The following KIAA0825 variants were observed in gnomAD, a reference collection of about 807,000 sequenced individuals.
KIAA0825 encodes uncharacterized protein KIAA0825.
Under a neutral mutation model 147.6 loss-of-function variants are expected in KIAA0825, and 119 were observed. The ratio of observed to expected loss-of-function variants is 0.81; its 90% CI spans 0.69 to 0.94. The LOEUF is 0.94. KIAA0825 is among the 40% of genes least tolerant of loss of function. KIAA0825 has a pLI of 0.00. For synonymous variants in KIAA0825, 470 were observed against 518.1 expected (o/e 0.91, Z 1.26); for missense variants, 1,381 against 1,472.7 (o/e 0.94, Z 1.02).
chr5:94,516,460 A>T (rs1767250092), intron 5 of KIAA0825, among the ~76,000 whole-genome samples: 1 of 152,238 alleles, frequency 6.6e-6, no homozygotes, highest in South Asian at 2.1e-4. Context: ...TAAAAAAGAA[A>T]AGCAAAACAC....
intron 20 of KIAA0825, among the ~76,000 whole-genome samples, chr5:94,379,845 T>C (rs1318638173): frequency 1.6e-5 from 1 of 61,774 alleles, no homozygotes; most frequent in Non-Finnish European, 3.2e-5. Flanking sequence ...TATTTTATTC[T>C]TTTTTTTTTT....
At chr5:94,572,571 A>G (rs1780179228) in intron 2 of KIAA0825, among the ~76,000 whole-genome samples, 1 of 152,140 alleles carries the variant, frequency 6.6e-6, no homozygotes, top group Non-Finnish European at 1.5e-5. Flanking sequence ...AAAACGAAAA[A>G]TCTGCAATTC....
chr5:94,602,354 G>GA (rs112705666), intron 1 of KIAA0825, among the ~76,000 whole-genome samples: 11,403 of 136,826 alleles, frequency 0.083, 467 homozygotes, highest in South Asian at 0.12. Flanking sequence ...CTGTCTCAAA[G>GA]AAAAAAAAAA....
At chr5:94,240,797 A>G (rs2150103771) in intron 20 of KIAA0825, among the ~76,000 whole-genome samples, 1 of 152,278 alleles carries the variant, frequency 6.6e-6, no homozygotes, top group Admixed American at 6.5e-5. Flanking sequence ...CACTTAGCTC[A>G]CCGTAAGTAA....
intron 16 of KIAA0825, among the ~76,000 whole-genome samples, chr5:94,398,157 T>C (rs29926): frequency 0.12 from 18,207 of 152,174 alleles, 1,223 homozygotes; most frequent in East Asian, 0.26. Flanking sequence ...CTTCAAGCCC[T>C]TCTTCACAAA....
At chr5:94,410,332 G>A (rs76480380) in intron 15 of KIAA0825, among the ~76,000 whole-genome samples, 7,787 of 152,058 alleles carry the variant, frequency 0.051, 212 homozygotes, top group East Asian at 0.11. Context: ...ACTGACCTAC[G>A]GGACAATGCC....
intron 20 of KIAA0825, among the ~76,000 whole-genome samples, chr5:94,247,044 A>G (rs746704765): frequency 2.1e-4 from 32 of 152,174 alleles, no homozygotes; most frequent in Non-Finnish European, 3.7e-4. Context: ...GAGAATAAAT[A>G]AGAAAGTTCA....
intron 20 of KIAA0825, among the ~76,000 whole-genome samples, chr5:94,193,442 G>A (rs1053416975): frequency 6.6e-6 from 1 of 152,200 alleles, no homozygotes. Context: ...ACTGAGGCCA[G>A]AGGGGTGAAG....
At chr5:94,162,017 T>C (rs547586966) in intron 20 of KIAA0825, among the ~76,000 whole-genome samples, 7 of 152,290 alleles carry the variant, frequency 4.6e-5, no homozygotes, top group African/African-American at 1.7e-4. Flanking sequence ...TTAGTAAGCA[T>C]TGGAAAGTGT....
At chr5:94,251,472 G>A (rs1356244735) in intron 20 of KIAA0825, among the ~76,000 whole-genome samples, 1 of 152,056 alleles carries the variant, frequency 6.6e-6, no homozygotes, top group Non-Finnish European at 1.5e-5. Flanking sequence ...GTATGCAAAA[G>A]ACTGCTTGTA....
chr5:94,344,078 C>A (rs895608772), intron 20 of KIAA0825, among the ~76,000 whole-genome samples: 1 of 152,106 alleles, frequency 6.6e-6, no homozygotes, highest in African/African-American at 2.4e-5. Context: ...ATATGCCTAC[C>A]CTGTGATCCA....
Position 94,520,327 on chromosome 5 carries a change from C to T in KIAA0825, c.891G>A (p.Leu297=). 2 of 1,613,536 alleles carry T rather than the reference C, an allele frequency of 1.2e-6. No individual in the cohort carries two copies. The highest frequency in any genetic ancestry group is 1.7e-6 in the Non-Finnish European group (2 of 1,179,560). The change falls in exon 5 of 21, where the codon CTG becomes CTA. Residue 297 remains leucine, a synonymous_variant. Transcript: ENST00000682413. ...MAKFLENFCE[L]QFRENAVRVV... The stretch of plus-strand genomic sequence containing the variant: ...CACGAACAGCATTTTCTCTGAACTG[C>T]AGCTCACAAAAATTTTCAAGAAATT...
intron 20 of KIAA0825, among the ~76,000 whole-genome samples, chr5:94,245,504 TTC>T (rs1470868289): frequency 6.6e-6 from 1 of 152,170 alleles, no homozygotes; most frequent in African/African-American, 2.4e-5. Context: ...CTTGCTTGCT[TTC>T]TCTCCTCTTT....
intron 20 of KIAA0825, among the ~76,000 whole-genome samples, chr5:94,215,446 G>A (rs1321747202): frequency 6.6e-6 from 1 of 152,122 alleles, no homozygotes; most frequent in Non-Finnish European, 1.5e-5. Flanking sequence ...CTTAGTGTGG[G>A]AGTTGTGAAG....
intron 20 of KIAA0825, among the ~76,000 whole-genome samples, chr5:94,215,790 T>C (rs868707800): frequency 6.6e-6 from 1 of 152,114 alleles, no homozygotes; most frequent in African/African-American, 2.4e-5. Flanking sequence ...TCCTCCTCCA[T>C]CTGTCTCTAG....
chr5:94,436,484 C>T (rs898473747), intron 14 of KIAA0825, among the ~76,000 whole-genome samples: 46 of 152,266 alleles, frequency 3.0e-4, no homozygotes, highest in African/African-American at 1.1e-3. Context: ...GTTTGCGTGT[C>T]TGTTCTTATA....
At chr5:94,449,879 G>A (rs1295608217) in intron 13 of KIAA0825, among the ~76,000 whole-genome samples, 1 of 152,124 alleles carries the variant, frequency 6.6e-6, no homozygotes, top group African/African-American at 2.4e-5. Flanking sequence ...AGGAGTTTGA[G>A]GCCAGCCTGG....
intron 20 of KIAA0825, among the ~76,000 whole-genome samples, chr5:94,347,242 G>A (rs1783107235): frequency 6.6e-6 from 1 of 152,290 alleles, no homozygotes; most frequent in African/African-American, 2.4e-5. Context: ...GCAGAAAAGG[G>A]CATATAATCG....
intron 20 of KIAA0825, among the ~76,000 whole-genome samples, chr5:94,294,455 T>C (rs957105453): frequency 1.3e-5 from 2 of 152,180 alleles, no homozygotes; most frequent in Admixed American, 1.3e-4. Flanking sequence ...TGGCTGGGCA[T>C]TGTGGCTCAC....
Sources: gnomAD v4.1 joint callset for allele counts (sites outside exome capture counted in the v4.1 genomes callset) on GRCh38, gnomAD v4.1.1 for gene constraint, MANE v1.5 for transcripts, NCBI Gene and HGNC (gene_info 2026-07-23, HGNC 2026-07-21) for gene names.